Variants in WDR35 observed in about 807,000 individuals in gnomAD.
WDR35 encodes WD repeat domain 35, also known as WD repeat-containing protein 35.
A neutral mutation model predicts 158.3 loss-of-function variants in WDR35; 118 were observed. The observed-to-expected ratio is 0.75, with a 90% CI of 0.64 to 0.87. The LOEUF (loss-of-function observed/expected upper bound fraction) is 0.87. WDR35 is among the 40% of genes least tolerant of loss of function. The pLI is 0.00. For missense variants in WDR35, 1,263 were observed against 1,405.8 expected (o/e 0.90, Z 1.62); for synonymous variants, 448 against 476.1 (o/e 0.94, Z 0.77).
intron 25 of WDR35, among the ~76,000 whole-genome samples, chr2:19,928,715 T>G (rs368797192): frequency 4.6e-5 from 7 of 152,310 alleles, no homozygotes; most frequent in African/African-American, 1.7e-4. Context: ...CAGCTACCAC[T>G]TATTGAGGGC....
chr2:19,916,087 C>T (rs183746995), intron 25 of WDR35, among the ~76,000 whole-genome samples: 1 of 152,102 alleles, frequency 6.6e-6, no homozygotes, highest in African/African-American at 2.4e-5. Context: ...GTGGGTGCAG[C>T]CCAAGGAGGA....
intron 9 of WDR35, among the ~76,000 whole-genome samples, chr2:19,968,671 T>C (rs964075681): frequency 2.6e-5 from 4 of 152,206 alleles, no homozygotes; most frequent in African/African-American, 9.7e-5. Flanking sequence ...GTATTTTCCC[T>C]GCCCTAGTCC....
chr2:19,946,603 C>T (rs373638512), intron 14 of WDR35, 33 bp from the exon 15 acceptor site: 78 of 1,561,678 alleles, frequency 5.0e-5, no homozygotes, highest in Admixed American at 2.0e-4. Flanking sequence ...CTTAAGCATA[C>T]GTGTATCATA....
Position 19,935,585 on chromosome 2 carries a change from A to C in WDR35, c.2433T>G (p.Tyr811Ter). Residue 811 changes from tyrosine to a stop codon, truncating the protein, a stop_gained, in exon 21 of 27, where the codon TAT becomes TAG. Transcript: ENST00000281405. LOFTEE classifies it high-confidence loss of function. ...DRQKWLNAVQ[Y>*]YVQGRNQERL... ...GTTCCTGGTTCCGTCCTTGTACATA[A>C]TATTGTACAGCATTCAACCTACAGA... 2 of 1,612,698 alleles carry C rather than the reference A, an allele frequency of 1.2e-6. No homozygotes were observed. The highest frequency in any genetic ancestry group is 4.5e-5 in the East Asian group (2 of 44,752).
In WDR35 at chr2:19,980,737, A is replaced by C. The variant is rs1283648730; in HGVS notation, c.261T>G (p.Thr87=). The change falls in exon 4 of 27, where the codon ACT becomes ACG. Residue 87 remains threonine, a synonymous_variant. Coordinates refer to ENST00000281405, the MANE Select transcript of WDR35 (RefSeq NM_020779.4). ...VTWNEQYQKL[T]TSDENGLIIV... The stretch of plus-strand genomic sequence containing the variant: ...TGATAAGCCCGTTTTCATCACTGGT[A>C]GTCAACTTCTGATACTGCTCATTCC... The C allele has an allele frequency of 1.2e-6, 2 of 1,613,834 alleles. No individual in the cohort carries two copies. The highest frequency in any genetic ancestry group is 1.7e-5 in the Admixed American group (1 of 60,026).
At chr2:19,961,542 G>C (rs1462716824) in intron 10 of WDR35, among the ~76,000 whole-genome samples, 1 of 152,166 alleles carries the variant, frequency 6.6e-6, no homozygotes, top group East Asian at 1.9e-4. Context: ...AAGAACCTGA[G>C]GCATTTCTTC....
intron 8 of WDR35, among the ~76,000 whole-genome samples, chr2:19,971,287 A>T (rs1436307035): frequency 6.6e-6 from 1 of 152,212 alleles, no homozygotes; most frequent in Admixed American, 6.5e-5. Flanking sequence ...CAAAACTCAC[A>T]TTGAAATGTA....
intron 13 of WDR35, 144 bp downstream of exon 13, chr2:19,951,271 T>C (rs1178793000): frequency 4.0e-6 from 3 of 746,890 alleles, no homozygotes; most frequent in African/African-American, 1.8e-5. Flanking sequence ...TAGGAAAAAG[T>C]TTACAGAAGA....
At chr2:19,974,374 A>C (rs1572361728) in intron 7 of WDR35, 94 bp downstream of exon 7, 7 of 1,295,448 alleles carry the variant, frequency 5.4e-6, no homozygotes, top group Non-Finnish European at 6.3e-6. Flanking sequence ...GTGCCACTGC[A>C]CTCCAGCCTG....
chr2:19,936,395 CATCT>C, intron 19 of WDR35, 30 bp from the exon 20 acceptor site: 1 of 1,613,526 alleles, frequency 6.2e-7, no homozygotes, highest in Non-Finnish European at 8.5e-7. Context: ...TTCATTCATT[CATCT>C]ATTTGACAAA....
chr2:19,959,843 AT>A (rs1558346157), intron 11 of WDR35, among the ~76,000 whole-genome samples: 1 of 152,102 alleles, frequency 6.6e-6, no homozygotes, highest in Non-Finnish European at 1.5e-5. Context: ...TGTATCCAAT[AT>A]ACTACCATAC....
intron 25 of WDR35, among the ~76,000 whole-genome samples, chr2:19,926,678 A>G (rs1670364400): frequency 6.6e-6 from 1 of 152,262 alleles, no homozygotes; most frequent in African/African-American, 2.4e-5. Context: ...CAGCAGCTGA[A>G]CAGCATCTAC....
At chr2:19,931,758 A>G (rs1478871941) in intron 23 of WDR35, among the ~76,000 whole-genome samples, 1 of 152,154 alleles carries the variant, frequency 6.6e-6, no homozygotes, top group African/African-American at 2.4e-5. Flanking sequence ...CCAAGTACAC[A>G]AAGATATGAT....
chr2:19,937,553 A>C (rs1670736374), intron 19 of WDR35, among the ~76,000 whole-genome samples, 190 bp downstream of exon 19: 1 of 152,198 alleles, frequency 6.6e-6, no homozygotes, highest in Non-Finnish European at 1.5e-5. Context: ...ACAGAGAAGA[A>C]AACTGCCTCC....
intron 25 of WDR35, among the ~76,000 whole-genome samples, chr2:19,923,306 G>A (rs746803957): frequency 4.6e-5 from 7 of 152,140 alleles, no homozygotes; most frequent in Non-Finnish European, 8.8e-5. Flanking sequence ...AGGGTCGCTG[G>A]AGCAACAGTT....
intron 2 of WDR35, among the ~76,000 whole-genome samples, 181 bp from the exon 3 acceptor site, chr2:19,982,715 G>A (rs1036484567): frequency 3.9e-5 from 6 of 151,946 alleles, no homozygotes; most frequent in Non-Finnish European, 5.9e-5. Flanking sequence ...AGATATTCTG[G>A]TAAAATAAAG....
chr2:19,968,161 C>T (rs1032596309), intron 9 of WDR35, among the ~76,000 whole-genome samples: 3 of 152,158 alleles, frequency 2.0e-5, no homozygotes, highest in Non-Finnish European at 4.4e-5. Flanking sequence ...AGCACAGAAC[C>T]GAAGTGCACT....
intron 25 of WDR35, 46 bp downstream of exon 25, chr2:19,930,350 A>T: frequency 6.2e-7 from 1 of 1,613,642 alleles, no homozygotes; most frequent in Non-Finnish European, 8.5e-7. Context: ...TTCATACTCA[A>T]TTTATAATTT....
chr2:19,953,932 C>T lies in WDR35; in HGVS notation c.1302G>A (p.Ser434=), dbSNP rs765193062. 1.8e-5 allele frequency: 29 copies of T among 1,613,976 alleles called. No homozygotes were observed. The highest frequency in any genetic ancestry group is 6.7e-5 in the East Asian group (3 of 44,882). Residue 434 remains serine (S), a synonymous_variant, in exon 12 of 27, where the codon TCG becomes TCA. Transcript: ENST00000281405. ...ATTGCCAGGTATAAAATGCTTCTTT[C>T]GAGGCTGCTATCACATGGGTTTTGG... is the stretch of plus-strand genomic sequence containing the variant. ...AMTKTHVIAA[S]KEAFYTWQYR...
Sources: allele counts gnomAD v4.1 joint callset (sites outside exome capture counted in the v4.1 genomes callset), GRCh38; gene constraint gnomAD v4.1.1; transcripts MANE v1.5; gene names NCBI Gene and HGNC (gene_info 2026-07-23, HGNC 2026-07-21).